Variants in LNX1 observed in about 807,000 individuals in gnomAD.
LNX1 encodes E3 ubiquitin-protein ligase LNX.
LNX1 carries 54 observed loss-of-function variants against 68.4 expected under a neutral mutation model. The observed-to-expected ratio is 0.79, with a 90% CI of 0.63 to 0.99. The LOEUF (loss-of-function observed/expected upper bound fraction) is 0.99, where lower values mean the gene tolerates loss of function less well. Among genes scored for constraint, LNX1 ranks in the 50% least tolerant of loss-of-function variants. The pLI, the probability that LNX1 is intolerant of heterozygous loss-of-function variation, is 0.00. For synonymous variants in LNX1, 336 were observed against 350.0 expected (o/e 0.96, Z 0.45); for missense variants, 906 against 926.4 (o/e 0.98, Z 0.29).
At chr4:53,544,507 T>C (rs995795062) in intron 2 of LNX1, among the ~76,000 whole-genome samples, 5 of 152,280 alleles carry the variant, frequency 3.3e-5, no homozygotes, top group African/African-American at 1.2e-4. Context: ...GAGGTGCTGA[T>C]TTCTTTTGTG....
chr4:53,593,196 A>G (rs1351389143), upstream of LNX1: 5 of 151,996 alleles, frequency 3.3e-5, no homozygotes, highest in Admixed American at 6.5e-5. Flanking sequence ...CATCACTCAC[A>G]CAAAGGCCCC....
chr4:53,613,823 C>T (rs936159827), intron 2 of LNX1, among the ~76,000 whole-genome samples: 1 of 152,146 alleles, frequency 6.6e-6, no homozygotes, highest in African/African-American at 2.4e-5. Flanking sequence ...GGTATATACC[C>T]AGTAATGGGA....
chr4:53,596,446 CT>C (rs907973408), upstream of LNX1, among the ~76,000 whole-genome samples: 7 of 151,872 alleles, frequency 4.6e-5, no homozygotes, highest in African/African-American at 1.7e-4. Context: ...TCAGCATGTT[CT>C]TCTTTAGTAG....
intron 9 of LNX1, among the ~76,000 whole-genome samples, chr4:53,465,346 T>C (rs1722594814): frequency 6.6e-6 from 1 of 152,202 alleles, no homozygotes; most frequent in Non-Finnish European, 1.5e-5. Context: ...GCTTCCTTAT[T>C]ATCACATAAT....
At chr4:53,492,032 C>T (rs1021522514) in intron 6 of LNX1, among the ~76,000 whole-genome samples, 3 of 152,122 alleles carry the variant, frequency 2.0e-5, no homozygotes, top group Non-Finnish European at 2.9e-5. Context: ...GGTGACCCAC[C>T]CGCCTCGGCC....
intron 1 of LNX1, among the ~76,000 whole-genome samples, chr4:53,591,079 C>G (rs971481270): frequency 4.6e-5 from 7 of 152,208 alleles, no homozygotes; most frequent in African/African-American, 1.7e-4. Context: ...AAAACAAAAG[C>G]CTTCACTCTA....
At chr4:53,500,448 CT>C (rs1725391331) in intron 4 of LNX1, 1 of 152,166 alleles carries the variant, frequency 6.6e-6, no homozygotes, top group Non-Finnish European at 1.5e-5. Context: ...TAAGAGTCTC[CT>C]TTCGTTATGG....
intron 1 of LNX1, among the ~76,000 whole-genome samples, chr4:53,578,390 T>C (rs997069399): frequency 2.6e-5 from 4 of 152,180 alleles, no homozygotes; most frequent in Non-Finnish European, 4.4e-5. Context: ...AGTCTATGGC[T>C]CTTACGCTGC....
At chr4:53,555,920 A>G (rs1486523842) in intron 2 of LNX1, among the ~76,000 whole-genome samples, 4 of 152,178 alleles carry the variant, frequency 2.6e-5, no homozygotes, top group Non-Finnish European at 5.9e-5. Context: ...CCTTCCTTCA[A>G]TTAGGCTATA....
intron 2 of LNX1, among the ~76,000 whole-genome samples, chr4:53,597,459 C>T (rs1374442868): frequency 6.6e-6 from 1 of 152,214 alleles, no homozygotes; most frequent in Non-Finnish European, 1.5e-5. Context: ...CCCTCACCCC[C>T]ATTTCCATAG....
Position 53,508,064 on chromosome 4 carries a change from G to C in LNX1, c.544C>G (p.Pro182Ala), listed in dbSNP as rs1726045611. Residue 182 changes from proline to alanine, a missense_variant, in exon 3 of 11, where the codon CCT (proline) becomes GCT (alanine). Transcript: ENST00000263925. ...TCCTCTGCCGAGGACACGTAGGCAG[G>C]GTTGTCTAGGCCAGGCTCGTCTGTC... ...LMTDEPGLDN[P>A]AYVSSAEDGQ... The C allele has an allele frequency of 6.2e-7, 1 of 1,614,186 alleles. No homozygotes were observed. Among genetic ancestry groups the C allele is most frequent in the African/African-American group, 1.3e-5 (1 of 75,054 alleles).
chr4:53,521,281 G>A (rs1727198212), intron 2 of LNX1, among the ~76,000 whole-genome samples: 2 of 152,160 alleles, frequency 1.3e-5, no homozygotes, highest in African/African-American at 4.8e-5. Flanking sequence ...GCTCTGCAGA[G>A]GTTGTCAGAG....
upstream of LNX1, chr4:53,617,540 T>G (rs766609715): frequency 6.6e-6 from 1 of 152,220 alleles, no homozygotes; most frequent in Non-Finnish European, 1.5e-5. Context: ...TCCTTCTGCT[T>G]CATGACATGG....
intron 4 of LNX1, among the ~76,000 whole-genome samples, chr4:53,504,796 A>G (rs1438208443): frequency 1.3e-5 from 2 of 152,244 alleles, no homozygotes; most frequent in East Asian, 3.8e-4. Flanking sequence ...CGGAGGCCCA[A>G]GAAGAGAGAC....
In LNX1 at chr4:53,627,677, A is replaced by G. The variant is rs548222180; in HGVS notation, c.-215+24491T>C. 5.3e-5 allele frequency among the ~76,000 whole-genome samples: 8 copies of G among 152,368 alleles called. No homozygotes were observed. The South Asian group carries it at 6.2e-4, about 12-fold the overall frequency. ...TTCTCCTTTGCATGTGCTTAGAGAT[A>G]GGCCAGTCTTGAGTCAGCACACCTC... is the stretch of plus-strand genomic sequence containing the variant. On this transcript the variant is annotated intron_variant, in intron 1 of 2. Coordinates refer to the LNX1 transcript ENST00000507168.
At chr4:53,521,916 C>T (rs1727252959) in intron 2 of LNX1, among the ~76,000 whole-genome samples, 1 of 152,144 alleles carries the variant, frequency 6.6e-6, no homozygotes, top group African/African-American at 2.4e-5. Flanking sequence ...CCTCCCTCCT[C>T]AGCCTCCTGA....
At chr4:53,578,625 G>C (rs10016971) in intron 1 of LNX1, among the ~76,000 whole-genome samples, 41,041 of 152,104 alleles carry the variant, frequency 0.27, 5,664 homozygotes, top group Admixed American at 0.31. Flanking sequence ...ATTTCACTGA[G>C]TGCTGAGGCA....
chr4:53,617,076 A>G (rs2109855146), intron 1 of LNX1, among the ~76,000 whole-genome samples: 1 of 152,332 alleles, frequency 6.6e-6, no homozygotes, highest in Admixed American at 6.5e-5. Context: ...GAAAGTTATA[A>G]AACATATAAA....
At chr4:53,515,379 T>C (rs1726686819) in intron 2 of LNX1, among the ~76,000 whole-genome samples, 1 of 152,210 alleles carries the variant, frequency 6.6e-6, no homozygotes, top group South Asian at 2.1e-4. Flanking sequence ...TTGGGAATTG[T>C]GGGATTCACT....
Sources: allele counts gnomAD v4.1 joint callset (sites outside exome capture counted in the v4.1 genomes callset), GRCh38; gene constraint gnomAD v4.1.1; transcripts MANE v1.5; gene names NCBI Gene and HGNC (gene_info 2026-07-23, HGNC 2026-07-21).